SRL: variants seen among roughly 807,000 people sequenced by gnomAD.
The protein encoded by SRL is sarcalumenin.
In SRL, 23 loss-of-function variants were observed where a neutral mutation model predicts 39.5. The observed-to-expected ratio is 0.58, with a 90% confidence interval of 0.42 to 0.82. SRL has a LOEUF of 0.82. Ranked by LOEUF, SRL falls within the 40% of genes least tolerant of loss-of-function variation. SRL has a pLI of 0.00. For synonymous variants in SRL, 272 were observed against 237.4 expected (o/e 1.15, Z -1.34); for missense variants, 592 against 607.8 (o/e 0.97, Z 0.27).
intron 4 of SRL, among the ~76,000 whole-genome samples, chr16:4,196,534 TGCAGTG>T (rs2052147132): frequency 6.8e-6 from 1 of 146,394 alleles, no homozygotes; most frequent in Non-Finnish European, 1.5e-5. Flanking sequence ...CAGGCTGGAG[TGCAGTG>T]GCATGATCTC....
At chr16:4,210,259 T>G (rs1406978405) in intron 1 of SRL, among the ~76,000 whole-genome samples, 1 of 152,084 alleles carries the variant, frequency 6.6e-6, no homozygotes, top group Non-Finnish European at 1.5e-5. Flanking sequence ...CTCTCCACCT[T>G]CCACCCCTGC....
At chr16:4,238,384 T>C (rs1032364827) in intron 1 of SRL, among the ~76,000 whole-genome samples, 3 of 151,862 alleles carry the variant, frequency 2.0e-5, no homozygotes, top group Admixed American at 2.0e-4. Flanking sequence ...ATAGGCTGAC[T>C]CTCCCCAGCC....
At chr16:4,215,177 G>C (rs1024032295) in intron 1 of SRL, among the ~76,000 whole-genome samples, 1 of 152,138 alleles carries the variant, frequency 6.6e-6, no homozygotes, top group Non-Finnish European at 1.5e-5. Flanking sequence ...CATTCTCCCA[G>C]GACCCCTGAG....
chr16:4,216,046 A>G (rs1483871354), intron 1 of SRL, among the ~76,000 whole-genome samples: 1 of 151,950 alleles, frequency 6.6e-6, no homozygotes, highest in Non-Finnish European at 1.5e-5. Flanking sequence ...AAAAAAAAAA[A>G]GGATTAAGAC....
chr16:4,207,332 T>C (rs2052335139), intron 1 of SRL: 1 of 456,724 alleles, frequency 2.2e-6, no homozygotes, highest in South Asian at 1.5e-5. Flanking sequence ...CCCCAGGCTC[T>C]GCACTGGCCT....
chr16:4,196,923 G>C (rs1457879225), intron 4 of SRL, among the ~76,000 whole-genome samples: 7 of 152,104 alleles, frequency 4.6e-5, no homozygotes, highest in Non-Finnish European at 1.0e-4. Context: ...ATTTATGTAT[G>C]AACAGACCAC....
intron 1 of SRL, among the ~76,000 whole-genome samples, chr16:4,225,180 G>A (rs1385198112): frequency 6.6e-6 from 1 of 152,142 alleles, no homozygotes; most frequent in Non-Finnish European, 1.5e-5. Context: ...AAAATTGACT[G>A]TGTTGATGGC....
At chr16:4,199,456 A>G (rs1410265294) in intron 3 of SRL, among the ~76,000 whole-genome samples, 1 of 139,448 alleles carries the variant, frequency 7.2e-6, no homozygotes, top group Non-Finnish European at 1.5e-5. Flanking sequence ...ATATAGCCTC[A>G]ACCTCCCAGG....
At chr16:4,241,151 T>C (rs921084791) in intron 1 of SRL, among the ~76,000 whole-genome samples, 3 of 152,080 alleles carry the variant, frequency 2.0e-5, no homozygotes, top group Non-Finnish European at 4.4e-5. Flanking sequence ...AAAGACTCGG[T>C]GGGCAGTCCG....
At chr16:4,206,827 A>T (rs2052325258) in intron 1 of SRL, 1 of 456,256 alleles carries the variant, frequency 2.2e-6, no homozygotes, top group Admixed American at 2.4e-5. Flanking sequence ...TCTGTATTCA[A>T]TTCCTCCGGG....
chr16:4,207,408 TC>T (rs2052336108), intron 1 of SRL: 2 of 456,480 alleles, frequency 4.4e-6, no homozygotes, highest in Admixed American at 4.7e-5. Flanking sequence ...AATATCTGGC[TC>T]CGACTCTCCC....
At chr16:4,207,239 A>G (rs925808386) in intron 1 of SRL, 3 of 456,970 alleles carry the variant, frequency 6.6e-6, no homozygotes, top group Non-Finnish European at 1.3e-5. Context: ...TTTCCTCTTC[A>G]GAGGAGGCTT....
chr16:4,217,298 G>T (rs772118900), intron 1 of SRL, among the ~76,000 whole-genome samples: 140 of 152,138 alleles, frequency 9.2e-4, no homozygotes, highest in Admixed American at 3.3e-3. Context: ...ACAGGGTCTT[G>T]CTCTGTCACC....
chr16:4,206,848 C>T, intron 1 of SRL: 1 of 456,788 alleles, frequency 2.2e-6, no homozygotes, highest in Non-Finnish European at 4.4e-6. Flanking sequence ...CCAGGCTGGG[C>T]CCCTCTGTCC....
intron 3 of SRL, among the ~76,000 whole-genome samples, chr16:4,200,309 G>A (rs775146071): frequency 3.3e-5 from 5 of 152,168 alleles, no homozygotes; most frequent in African/African-American, 7.2e-5. Flanking sequence ...TCTTAACACC[G>A]GCCCAGGCGA....
intron 1 of SRL, among the ~76,000 whole-genome samples, chr16:4,237,534 T>C (rs566985098): frequency 3.5e-4 from 54 of 152,280 alleles, no homozygotes; most frequent in African/African-American, 1.2e-3. Context: ...GGATCTTCCC[T>C]GAGCCCTTGG....
intron 1 of SRL, among the ~76,000 whole-genome samples, chr16:4,234,978 G>C (rs756263961): frequency 6.6e-6 from 1 of 152,312 alleles, no homozygotes; most frequent in Non-Finnish European, 1.5e-5. Context: ...AACACAGACA[G>C]ACTTGAGCAA....
At chr16:4,213,657 C>A (rs2052422158) in intron 1 of SRL, among the ~76,000 whole-genome samples, 2 of 151,980 alleles carry the variant, frequency 1.3e-5, no homozygotes, top group Non-Finnish European at 2.9e-5. Context: ...GCGATCCTCC[C>A]ACCTCAGCCT....
At chr16:4,236,018 T>C (rs1275983219) in intron 1 of SRL, among the ~76,000 whole-genome samples, 1 of 152,012 alleles carries the variant, frequency 6.6e-6, no homozygotes, top group Non-Finnish European at 1.5e-5. Flanking sequence ...GAGACTGCAG[T>C]GAGCCTTGAT....
Sources: gnomAD v4.1 joint callset for allele counts (sites outside exome capture counted in the v4.1 genomes callset) on GRCh38, gnomAD v4.1.1 for gene constraint, MANE v1.5 for transcripts, NCBI Gene and HGNC (gene_info 2026-07-23, HGNC 2026-07-21) for gene names.